PDZRN3: variants seen among roughly 807,000 people sequenced by gnomAD.
PDZRN3 encodes the protein PDZ domain containing ring finger 3.
In PDZRN3, 38 loss-of-function variants were observed where a neutral mutation model predicts 85.7. The observed-to-expected ratio is 0.44, with a 90% CI of 0.34 to 0.58. The LOEUF (loss-of-function observed/expected upper bound fraction) is 0.58, where lower values mean the gene tolerates loss of function less well. PDZRN3 is among the 20% of genes least tolerant of loss of function. PDZRN3 has a pLI of 0.01. For missense variants in PDZRN3, 1,629 were observed against 1,506.4 expected (o/e 1.08, Z -1.35); for synonymous variants, 759 against 638.0 (o/e 1.19, Z -2.86).
intron 3 of PDZRN3, among the ~76,000 whole-genome samples, chr3:73,601,929 T>C (rs1702520942): frequency 6.6e-6 from 1 of 152,100 alleles, no homozygotes; most frequent in African/African-American, 2.4e-5. Flanking sequence ...TAGAAATAAG[T>C]GTGTGCTGTG....
chr3:73,617,665 T>G (rs4676940), intron 1 of PDZRN3, among the ~76,000 whole-genome samples: 107,684 of 152,102 alleles, frequency 0.71, 38,468 homozygotes, highest in African/African-American at 0.79. Context: ...AAAGAGCTGT[T>G]CTCATATTCC....
At chr3:73,427,263 T>C (rs1702334782) in intron 3 of PDZRN3, among the ~76,000 whole-genome samples, 1 of 152,224 alleles carries the variant, frequency 6.6e-6, no homozygotes, top group Non-Finnish European at 1.5e-5. Flanking sequence ...ACCAACGTTA[T>C]GACGCCTGTC....
At chr3:73,396,259 G>A (rs1281498828) in intron 5 of PDZRN3, among the ~76,000 whole-genome samples, 2 of 152,084 alleles carry the variant, frequency 1.3e-5, no homozygotes, top group South Asian at 4.1e-4. Context: ...GGTGGCATAG[G>A]GATGCTTCAG....
At chr3:73,428,904 T>C (rs565699004) in intron 3 of PDZRN3, among the ~76,000 whole-genome samples, 10 of 151,634 alleles carry the variant, frequency 6.6e-5, no homozygotes, top group Non-Finnish European at 8.8e-5. Flanking sequence ...GTTTTTTTTT[T>C]CCCCCAGAGA....
intron 3 of PDZRN3, among the ~76,000 whole-genome samples, chr3:73,537,682 CCA>C (rs1704820376): frequency 1.3e-5 from 2 of 152,050 alleles, no homozygotes. Flanking sequence ...TGCAGTGGCA[CCA>C]TCTCAGCTCA....
intron 2 of PDZRN3, among the ~76,000 whole-genome samples, chr3:73,603,302 T>A (rs991865906): frequency 4.6e-5 from 7 of 152,216 alleles, no homozygotes; most frequent in Non-Finnish European, 8.8e-5. Context: ...GAATTAAATG[T>A]CAGAACTAAA....
chr3:73,530,218 A>G (rs1011441834), intron 3 of PDZRN3, among the ~76,000 whole-genome samples: 6 of 152,210 alleles, frequency 3.9e-5, no homozygotes, highest in Non-Finnish European at 5.9e-5. Context: ...GAATGCTGGA[A>G]CAATGACCAC....
chr3:73,578,163 T>A (rs1332006481), intron 3 of PDZRN3, among the ~76,000 whole-genome samples: 3 of 30,276 alleles, frequency 9.9e-5, no homozygotes, highest in Non-Finnish European at 2.4e-4. Context: ...TTGACCATTC[T>A]TTTTTTTTTT....
At chr3:73,534,941 T>C (rs1704742115) in intron 3 of PDZRN3, among the ~76,000 whole-genome samples, 1 of 152,156 alleles carries the variant, frequency 6.6e-6, no homozygotes, top group Non-Finnish European at 1.5e-5. Flanking sequence ...CTCAGTCTAT[T>C]TGCTGCCCCT....
intron 3 of PDZRN3, among the ~76,000 whole-genome samples, chr3:73,555,911 G>GT (rs149743500): frequency 1.3e-5 from 2 of 152,258 alleles, no homozygotes; most frequent in East Asian, 3.9e-4. Context: ...AAATTCAATT[G>GT]TAACTCCAGT....
intron 3 of PDZRN3, among the ~76,000 whole-genome samples, chr3:73,418,260 T>TTATA (rs1702131479): frequency 6.6e-6 from 1 of 152,182 alleles, no homozygotes; most frequent in African/African-American, 2.4e-5. Flanking sequence ...AACACCTGAC[T>TTATA]TATACATAGG....
intron 3 of PDZRN3, among the ~76,000 whole-genome samples, chr3:73,505,883 A>T (rs1014409690): frequency 6.6e-6 from 1 of 152,142 alleles, no homozygotes; most frequent in African/African-American, 2.4e-5. Context: ...CTTTCCAACC[A>T]ATCCCTCTGT....
intron 3 of PDZRN3, among the ~76,000 whole-genome samples, chr3:73,479,589 T>C (rs894860292): frequency 6.6e-6 from 1 of 152,024 alleles, no homozygotes; most frequent in African/African-American, 2.4e-5. Context: ...CACAGCAGAG[T>C]GCTTCAAAAT....
intron 3 of PDZRN3, among the ~76,000 whole-genome samples, chr3:73,437,594 T>C (rs73096429): frequency 0.056 from 8,458 of 152,198 alleles, 718 homozygotes; most frequent in African/African-American, 0.18. Flanking sequence ...ATGGAAAGGA[T>C]ACTAATACAA....
chr3:73,624,549 C>T lies in PDZRN3; in HGVS notation c.277G>A (p.Val93Ile). The T allele has an allele frequency of 6.6e-7, 1 of 1,514,454 alleles. No individual in the cohort carries two copies. Among genetic ancestry groups the T allele is most frequent in the South Asian group, 1.3e-5 (1 of 79,718 alleles). The allele number at this position is 1,514,454 out of a possible 1,614,324, so 93.8% of individuals were successfully genotyped here. A position where few individuals can be genotyped will look rare whatever the true frequency, so the allele number is the denominator to read the frequency against. ...TGCTCCGGCAGCTGCTGCAGCTTGA[C>T]CACCCGGCCGCAGCCGCGCGTCGCG... ...AYATRGCGRV[V>I]KLQQLPEHLE... Residue 93 changes from valine (V) to isoleucine (I), a missense_variant, in exon 1 of 10, where the codon GTC becomes ATC. By Grantham distance (29) the Val-to-Ile change is conservative (BLOSUM62 3). Coordinates refer to ENST00000263666, the MANE Select transcript of PDZRN3 (RefSeq NM_015009.3).
rs1553704234 is a variant in PDZRN3 at position 73,574,457 on chromosome 3, T to TC, written c.918+27896_918+27897insG. Among the ~76,000 whole-genome samples, 551 of 120,918 alleles carry TC rather than the reference T, an allele frequency of 4.6e-3. 4 individuals are homozygous for TC. Among genetic ancestry groups the TC allele is most frequent in the African/African-American group, 0.017 (530 of 31,486 alleles). The allele number at this position is 120,918 out of a possible 152,430, so 79.3% of individuals were successfully genotyped here. ...AAGAAGCACTTTTTTTTGGCTGGGG[T>TC]GGGGGGGGTGGGGAGGGCGGAAATG... On this transcript the variant is annotated intron_variant, in intron 3 of 9. Coordinates refer to ENST00000263666, the MANE Select transcript of PDZRN3 (RefSeq NM_015009.3).
At chr3:73,432,449 A>C (rs1229699051) in intron 3 of PDZRN3, among the ~76,000 whole-genome samples, 1 of 152,182 alleles carries the variant, frequency 6.6e-6, no homozygotes, top group Non-Finnish European at 1.5e-5. Flanking sequence ...CCCTTGCCTA[A>C]GGAGAGTAGC....
rs550029791 is a variant in PDZRN3, at chr3:73,384,017, G to C, written c.2549C>G (p.Thr850Arg). ...GGCGCTGCCCAGCTTCTGGCTGGGC[G>C]TGGGGCTCCGGCTCCCGTCGCTGGC... ...RRASDGSRSP[T>R]PSQKLGSAYL... Residue 850 changes from threonine (T) to arginine (R), a missense_variant, in exon 10 of 10, where the codon ACG becomes AGG. Thr to Arg is a moderately conservative substitution (Grantham distance 71). Transcript: ENST00000263666. The C allele has an allele frequency of 3.8e-6, 6 of 1,591,542 alleles. No individual in the cohort carries two copies. The highest frequency in any genetic ancestry group is 5.1e-6 in the Non-Finnish European group (6 of 1,170,704).
intron 3 of PDZRN3, among the ~76,000 whole-genome samples, chr3:73,468,482 A>C (rs1703268438): frequency 6.6e-6 from 1 of 151,496 alleles, no homozygotes; most frequent in South Asian, 2.1e-4. Context: ...GCACATTTGG[A>C]AATTATAGTG....
Sources: allele counts gnomAD v4.1 joint callset (sites outside exome capture counted in the v4.1 genomes callset), GRCh38; gene constraint gnomAD v4.1.1; transcripts MANE v1.5; gene names NCBI Gene and HGNC (gene_info 2026-07-23, HGNC 2026-07-21).